TYRP1: variants seen among roughly 807,000 people sequenced by gnomAD.
The protein encoded by TYRP1 is 5,6-dihydroxyindole-2-carboxylic acid oxidase.
TYRP1 carries 49 observed loss-of-function variants against 42.8 expected under a neutral mutation model. The ratio of observed to expected loss-of-function variants is 1.14; its 90% CI spans 0.91 to 1.45. TYRP1 has a LOEUF of 1.45. Ranked by LOEUF, TYRP1 falls within the 40% of genes most tolerant of loss-of-function variation. TYRP1 has a pLI of 0.00. For synonymous variants in TYRP1, 279 were observed against 235.4 expected (o/e 1.19, Z -1.69); for missense variants, 848 against 662.0 (o/e 1.28, Z -3.08).
rs2733832 is a variant in TYRP1 at position 12,704,725 on chromosome 9, C to G, written c.1261+20C>G. ...ATGCTGGTAAGACATTTTCATATGC[C>G]TTTTGCATGCTCAGCTGGGCGGATT... is the stretch of plus-strand genomic sequence containing the variant. On this transcript the variant is annotated intron_variant, in intron 6 of 7. Transcript: ENST00000388918. 5 of 1,610,072 alleles carry G rather than the reference C, an allele frequency of 3.1e-6. No individual in the cohort carries two copies. The South Asian group carries it at 5.5e-5, about 18-fold the overall frequency.
intron 6 of TYRP1, 53 bp from the exon 7 acceptor site, chr9:12,707,944 A>G: frequency 6.6e-7 from 1 of 1,524,190 alleles, no homozygotes; most frequent in Non-Finnish European, 8.9e-7. Flanking sequence ...CAATAATGAT[A>G]GGAATATTAA....
chr9:12,708,982 G>C lies in TYRP1; in HGVS notation c.1414G>C (p.Glu472Gln), dbSNP rs1563858514. 3 of 1,612,098 alleles carry C rather than the reference G, an allele frequency of 1.9e-6. No individual in the cohort carries two copies. The highest frequency in any genetic ancestry group is 3.3e-5 in the Admixed American group (2 of 59,794). ...TTATCTTCCTTTCCAAATAGGTCGG[G>C]AGTTTAGTGTACCTGAGATAATTGC... ...YTYEIQWPSR[E>Q]FSVPEIIAIA... The change falls in exon 8 of 8, where the codon GAG becomes CAG. Residue 472 changes from glutamate to glutamine, a missense_variant. By Grantham distance (29) the Glu-to-Gln change is conservative. Transcript: ENST00000388918.
intron 5 of TYRP1, among the ~76,000 whole-genome samples, chr9:12,704,200 C>T (rs752068724): frequency 5.9e-5 from 9 of 152,004 alleles, no homozygotes; most frequent in South Asian, 4.1e-4. Context: ...TGGAGATTTT[C>T]ACTATCTTTA....
In TYRP1 at chr9:12,702,304, C is replaced by G. The variant is rs766691498; in HGVS notation, c.947C>G (p.Ala316Gly). Reference protein sequence around the residue: ...TEDGPIRRNPAGNVARPMVQR... With the variant: ...TEDGPIRRNPGGNVARPMVQR... ...GATGGGCCAATTAGGAGAAATCCAG[C>G]TGGAAATGTGGCCAGACCAATGGTG... Residue 316 changes from alanine (A) to glycine (G), a missense_variant, in exon 5 of 8, where the codon GCT becomes GGT. Transcript: ENST00000388918. 5.1e-5 allele frequency: 82 copies of G among 1,612,976 alleles called. No individual in the cohort carries two copies. The highest frequency in any genetic ancestry group is 6.8e-5 in the Non-Finnish European group (80 of 1,179,452).
Position 12,709,421 on chromosome 9 carries a change from T to C in TYRP1, c.*239T>C. The stretch of plus-strand genomic sequence containing the variant: ...GAATGACACTAAACTCCATGATATT[T>C]AAGGATAGTGTGAAGATCTTTGGCA... On this transcript the variant is annotated 3_prime_UTR_variant, in exon 8 of 8. Transcript: ENST00000388918. 5 of 523,016 alleles carry C rather than the reference T, an allele frequency of 9.6e-6. No homozygotes were observed. Among genetic ancestry groups the C allele is most frequent in the Non-Finnish European group, 1.7e-5 (5 of 290,456 alleles). The allele number at this position is 523,016 out of a possible 1,614,324, so 32.4% of individuals were successfully genotyped here.
chr9:12,700,925 TA>T (rs1306122310), intron 4 of TYRP1, among the ~76,000 whole-genome samples: 1 of 152,038 alleles, frequency 6.6e-6, no homozygotes, highest in Non-Finnish European at 1.5e-5. Flanking sequence ...TAAATTTCAT[TA>T]TGCTAACTTA....
At chr9:12,696,428 G>C (rs1026132651) in intron 3 of TYRP1, among the ~76,000 whole-genome samples, 1 of 151,972 alleles carries the variant, frequency 6.6e-6, no homozygotes, top group Non-Finnish European at 1.5e-5. Flanking sequence ...CTATATAAGA[G>C]GACAGATATT....
At position 12,694,268 on chromosome 9, in the gene TYRP1, C is replaced by G; in HGVS notation, c.272C>G (p.Pro91Arg). The G allele has an allele frequency of 1.2e-6, 2 of 1,613,790 alleles. No homozygotes were observed. The highest frequency in any genetic ancestry group is 1.7e-6 in the Non-Finnish European group (2 of 1,179,932). The change falls in exon 2 of 8, where the codon CCC becomes CGC. Residue 91 changes from proline (P) to arginine (R), a missense_variant. Pro to Arg is a moderately radical substitution (Grantham distance 103). Coordinates refer to ENST00000388918, the MANE Select transcript of TYRP1 (RefSeq NM_000550.3). The part of the protein sequence containing the change: ...HDGRDDREVW[P>R]LRFFNRTCHC... Reference sequence around the variant, plus strand: ...GGCAGAGATGATCGGGAGGTCTGGCCCTTGCGCTTCTTCAATAGGACATGT... The same window carrying G: ...GGCAGAGATGATCGGGAGGTCTGGCGCTTGCGCTTCTTCAATAGGACATGT...
At chr9:12,708,453 A>C (rs1463726656) in intron 7 of TYRP1, among the ~76,000 whole-genome samples, 1 of 151,928 alleles carries the variant, frequency 6.6e-6, no homozygotes, top group Non-Finnish European at 1.5e-5. Flanking sequence ...ACAGATTCAC[A>C]TTTCTAATGA....
chr9:12,706,049 A>G (rs952492882), intron 6 of TYRP1, among the ~76,000 whole-genome samples: 1 of 152,084 alleles, frequency 6.6e-6, no homozygotes, highest in Admixed American at 6.6e-5. Context: ...TTCAATTTAC[A>G]TACTATAAAA....
rs1291933040 is a variant in TYRP1 at position 12,709,323 on chromosome 9, A to ACTT, written c.*142_*144dup. 1 of 882,654 alleles carries ACTT rather than the reference A, an allele frequency of 1.1e-6. No individual in the cohort carries two copies. Among genetic ancestry groups the ACTT allele is most frequent in the Non-Finnish European group, 1.8e-6 (1 of 557,534 alleles). 54.7% of individuals were successfully genotyped at this position (882,654 alleles called of 1,614,324 possible). A position where few individuals can be genotyped will look rare whatever the true frequency, so the allele number is the denominator to read the frequency against. On this transcript the variant is annotated 3_prime_UTR_variant, in exon 8 of 8. Transcript: ENST00000388918. ...ATGTTAGCATTAAAGTTCTAGGCATACTTTTCAAAGCTGGGAAGACCCTTT... is the reference window on the plus strand; with the variant it reads ...ATGTTAGCATTAAAGTTCTAGGCATACTTCTTTTCAAAGCTGGGAAGACCCTTT...
intron 2 of TYRP1, 129 bp from the exon 3 acceptor site, chr9:12,695,386 T>C (rs1818058716): frequency 1.2e-6 from 1 of 832,298 alleles, no homozygotes; most frequent in African/African-American, 1.7e-5. Context: ...TTTAAAAGTG[T>C]AAAATAATTT....
chr9:12,702,054 A>ATACTT (rs1563854842), intron 4 of TYRP1, among the ~76,000 whole-genome samples: 1 of 151,996 alleles, frequency 6.6e-6, no homozygotes, highest in Non-Finnish European at 1.5e-5. Context: ...TTTCCTTCAG[A>ATACTT]TACTTTTATG....
At chr9:12,702,581 C>G (rs776978755) in intron 5 of TYRP1, 143 bp downstream of exon 5, 6 of 871,938 alleles carry the variant, frequency 6.9e-6, no homozygotes, top group Admixed American at 2.4e-5. Flanking sequence ...TTATGATACA[C>G]CTGCTTGAAA....
chr9:12,706,933 G>T (rs1818267780), intron 6 of TYRP1, among the ~76,000 whole-genome samples: 1 of 151,766 alleles, frequency 6.6e-6, no homozygotes, highest in African/African-American at 2.4e-5. Context: ...GGCTTGGAAA[G>T]GAACAAAAAT....
intron 6 of TYRP1, 198 bp from the exon 7 acceptor site, chr9:12,707,799 G>C (rs1818282621): frequency 1.8e-6 from 1 of 564,054 alleles, no homozygotes; most frequent in East Asian, 2.9e-5. Context: ...GTGGTATATT[G>C]GTACTGTATT....
At chr9:12,698,714 T>A (rs1464820483) in intron 4 of TYRP1, 59 bp downstream of exon 4, 1 of 1,525,462 alleles carries the variant, frequency 6.6e-7, no homozygotes, top group Non-Finnish European at 9.0e-7. Context: ...AGATTAAATA[T>A]GTTGCCTGAA....
chr9:12,704,831 A>T lies in TYRP1; in HGVS notation c.1261+126A>T, dbSNP rs571130619. On this transcript the variant is annotated intron_variant, in intron 6 of 7. Transcript: ENST00000388918. ...TCAAAATAAGGATAGCATAGCTGTA[A>T]TATCAAGTCACTTCCAGACATTCAA... The T allele has an allele frequency of 7.1e-5, 65 of 913,398 alleles. 2 individuals carry two copies. In the South Asian group the frequency reaches 8.8e-4, roughly 12 times the overall value. 56.6% of individuals were successfully genotyped at this position (913,398 alleles called of 1,614,324 possible).
Position 12,708,112 on chromosome 9 carries a change from C to A in TYRP1, c.1377C>A (p.Asn459Lys). 6.2e-7 allele frequency: 1 copy of A among 1,612,726 alleles called. No individual in the cohort carries two copies. The highest frequency in any genetic ancestry group is 8.5e-7 in the Non-Finnish European group (1 of 1,179,272). The change falls in exon 7 of 8, where the codon AAC becomes AAA. Residue 459 changes from asparagine to lysine, a missense_variant. Transcript: ENST00000388918. ...NTEMFVTAPD[N>K]LGYTYEIQWP... ...AAATGTTTGTTACTGCTCCAGACAACCTGGGATACACTTATGAAATTCAAT... is the reference window on the plus strand; with the variant it reads ...AAATGTTTGTTACTGCTCCAGACAAACTGGGATACACTTATGAAATTCAAT...
Sources: allele counts gnomAD v4.1 joint callset (sites outside exome capture counted in the v4.1 genomes callset), GRCh38; gene constraint gnomAD v4.1.1; transcripts MANE v1.5; gene names NCBI Gene and HGNC (gene_info 2026-07-23, HGNC 2026-07-21).